The following TMTC2 variants were observed in gnomAD, a reference collection of about 807,000 sequenced individuals.
TMTC2 encodes the protein protein O-mannosyl-transferase TMTC2.
Under a neutral mutation model 82.4 loss-of-function variants are expected in TMTC2, and 43 were observed. The observed-to-expected ratio is 0.52, with a 90% confidence interval of 0.41 to 0.67. The LOEUF (loss-of-function observed/expected upper bound fraction) is 0.67, where lower values mean the gene tolerates loss of function less well. Among genes scored for constraint, TMTC2 ranks in the 30% least tolerant of loss-of-function variants. TMTC2 has a pLI of 0.00. For synonymous variants in TMTC2, 408 were observed against 381.9 expected (o/e 1.07, Z -0.80); for missense variants, 919 against 1,012.4 (o/e 0.91, Z 1.25).
In TMTC2 at chr12:83,030,869, C is replaced by G; in HGVS notation, c.2142C>G (p.Tyr714Ter). 8 of 1,612,348 alleles carry G rather than the reference C, an allele frequency of 5.0e-6. No homozygotes were observed. The highest frequency in any genetic ancestry group is 6.8e-6 in the Non-Finnish European group (8 of 1,178,482). Residue 714 changes from tyrosine (Y) to a stop codon, truncating the protein, a stop_gained, in exon 9 of 12, where the codon TAC (tyrosine) becomes TAG (stop). Transcript: ENST00000321196. LOFTEE classifies it high-confidence loss of function. The part of the protein sequence containing the change: ...IELDPTKGNC[Y>*]MHYGQFLLEE... The stretch of plus-strand genomic sequence containing the variant: ...TGGATCCCACCAAAGGAAACTGTTA[C>G]ATGCATTATGGTGAGTGGTTGATAG...
intron 1 of TMTC2, among the ~76,000 whole-genome samples, chr12:82,802,907 AGCT>A: frequency 6.6e-6 from 1 of 152,162 alleles, no homozygotes; most frequent in African/African-American, 2.4e-5. Flanking sequence ...ACATTCAAGG[AGCT>A]TCTGTAGTAT....
chr12:82,789,597 G>A (rs1298424092), intron 1 of TMTC2, among the ~76,000 whole-genome samples: 1 of 152,096 alleles, frequency 6.6e-6, no homozygotes, highest in African/African-American at 2.4e-5. Context: ...ACTGGAATAT[G>A]CAAACAATTC....
chr12:82,727,122 C>T (rs1224041428), intron 1 of TMTC2, among the ~76,000 whole-genome samples: 2 of 151,300 alleles, frequency 1.3e-5, no homozygotes, highest in African/African-American at 2.4e-5. Context: ...AAAAAACAAC[C>T]AGAAAACTTA....
At chr12:83,084,881 G>C (rs1206991466) in intron 11 of TMTC2, among the ~76,000 whole-genome samples, 1 of 152,204 alleles carries the variant, frequency 6.6e-6, no homozygotes, top group Admixed American at 6.5e-5. Context: ...TTAGAAATCT[G>C]ACTATGGTGG....
intron 6 of TMTC2, 108 bp downstream of exon 6, chr12:82,965,852 A>G: frequency 8.7e-7 from 1 of 1,147,200 alleles, no homozygotes; most frequent in South Asian, 1.2e-5. Context: ...AACAACTAAT[A>G]TGTATACACG....
chr12:82,745,336 A>T (rs1396520740), intron 1 of TMTC2, among the ~76,000 whole-genome samples: 1 of 152,190 alleles, frequency 6.6e-6, no homozygotes, highest in Non-Finnish European at 1.5e-5. Context: ...GTCACAAAGA[A>T]TGCTGTAACT....
intron 1 of TMTC2, among the ~76,000 whole-genome samples, chr12:82,830,482 A>G (rs1869688702): frequency 6.6e-6 from 1 of 151,934 alleles, no homozygotes; most frequent in Non-Finnish European, 1.5e-5. Context: ...TATTAGTAGA[A>G]CATCAGATAT....
intron 3 of TMTC2, among the ~76,000 whole-genome samples, chr12:82,904,561 A>G (rs1050053785): frequency 6.6e-6 from 1 of 152,212 alleles, no homozygotes; most frequent in Non-Finnish European, 1.5e-5. Flanking sequence ...AATACTAGAC[A>G]TAGTTGATTA....
At chr12:83,032,966 T>A (rs1282250944) in intron 9 of TMTC2, among the ~76,000 whole-genome samples, 1 of 152,200 alleles carries the variant, frequency 6.6e-6, no homozygotes, top group Non-Finnish European at 1.5e-5. Context: ...TTGTTTTAAG[T>A]ATTTTGGCAT....
chr12:82,827,584 G>A (rs1047698454), intron 1 of TMTC2, among the ~76,000 whole-genome samples: 23 of 152,162 alleles, frequency 1.5e-4, no homozygotes, highest in African/African-American at 5.6e-4. Context: ...TTTTAAAGAA[G>A]CTTCTTATGG....
At chr12:82,892,665 G>T (rs951984257) in intron 2 of TMTC2, among the ~76,000 whole-genome samples, 4 of 152,104 alleles carry the variant, frequency 2.6e-5, no homozygotes, top group Admixed American at 6.6e-5. Context: ...CTTCTTGCCT[G>T]ATTACAGCTG....
chr12:82,742,114 C>T (rs190206739), intron 1 of TMTC2, among the ~76,000 whole-genome samples: 4 of 152,196 alleles, frequency 2.6e-5, no homozygotes, highest in African/African-American at 7.2e-5. Context: ...GTTGTCAGTG[C>T]CCTAATGCTT....
intron 3 of TMTC2, among the ~76,000 whole-genome samples, chr12:82,915,056 C>T (rs1332903402): frequency 6.6e-6 from 1 of 151,980 alleles, no homozygotes; most frequent in Non-Finnish European, 1.5e-5. Flanking sequence ...AACTCCTGAC[C>T]TCAGGTGGTC....
chr12:82,735,484 T>C (rs1875049348), intron 1 of TMTC2, among the ~76,000 whole-genome samples: 1 of 151,908 alleles, frequency 6.6e-6, no homozygotes, highest in Non-Finnish European at 1.5e-5. Context: ...TAGCTGGGAC[T>C]ACAGGCGCCC....
rs568967767 is a variant in TMTC2 at position 82,980,432 on chromosome 12, A to G, written c.1949-5493A>G. ...ACCTTAGCAACCAGCTAAGTTCTCAAACTCCATGGAGAGACTAGAAATTAG... is the reference window on the plus strand; with the variant it reads ...ACCTTAGCAACCAGCTAAGTTCTCAGACTCCATGGAGAGACTAGAAATTAG... On this transcript the variant is annotated intron_variant, in intron 7 of 11. Transcript: ENST00000321196. Among the ~76,000 whole-genome samples the G allele has an allele frequency of 6.6e-4, 100 of 151,942 alleles. 1 individual carries two copies. The highest frequency in any genetic ancestry group is 2.4e-3 in the African/African-American group (99 of 41,552).
At chr12:82,779,849 A>G (rs1487568528) in intron 1 of TMTC2, among the ~76,000 whole-genome samples, 1 of 152,152 alleles carries the variant, frequency 6.6e-6, no homozygotes, top group African/African-American at 2.4e-5. Context: ...CAGTGAGTCA[A>G]GATCATGCCA....
intron 3 of TMTC2, among the ~76,000 whole-genome samples, chr12:82,917,979 C>T (rs1875115293): frequency 6.6e-6 from 1 of 152,000 alleles, no homozygotes; most frequent in African/African-American, 2.4e-5. Flanking sequence ...ATCACTGTAG[C>T]CTTAACCTCC....
At chr12:82,876,068 GAT>G (rs1565788780) in intron 2 of TMTC2, among the ~76,000 whole-genome samples, 2,173 of 99,832 alleles carry the variant, frequency 0.022, 119 homozygotes, top group African/African-American at 0.04. Flanking sequence ...TGGTGGTGGT[GAT>G]GATGATGATG....
intron 11 of TMTC2, among the ~76,000 whole-genome samples, chr12:83,088,473 C>T (rs1245883761): frequency 6.6e-6 from 1 of 152,098 alleles, no homozygotes; most frequent in African/African-American, 2.4e-5. Flanking sequence ...TAATTATTTC[C>T]AGCTTTTCTT....
Sources: allele counts gnomAD v4.1 joint callset (sites outside exome capture counted in the v4.1 genomes callset), GRCh38; gene constraint gnomAD v4.1.1; transcripts MANE v1.5; gene names NCBI Gene and HGNC (gene_info 2026-07-23, HGNC 2026-07-21).